The following NELL1 variants were observed in gnomAD, a reference collection of about 807,000 sequenced individuals.
The protein encoded by NELL1 is protein kinase C-binding protein NELL1.
NELL1 carries 76 observed loss-of-function variants against 107.4 expected under a neutral mutation model. The observed-to-expected ratio is 0.71, with a 90% CI of 0.59 to 0.86. The LOEUF is 0.86. Ranked by LOEUF, NELL1 falls within the 40% of genes least tolerant of loss-of-function variation. NELL1 has a pLI of 0.00. For missense variants in NELL1, 1,024 were observed against 1,005.5 expected (o/e 1.02, Z -0.25); for synonymous variants, 353 against 341.2 (o/e 1.03, Z -0.38).
At chr11:20,785,018 A>G (rs1856925099) in intron 3 of NELL1, among the ~76,000 whole-genome samples, 1 of 152,234 alleles carries the variant, frequency 6.6e-6, no homozygotes, top group Admixed American at 6.5e-5. Context: ...GAGGAAGACC[A>G]TACAGAGAGA....
At chr11:21,160,537 C>T (rs1401415528) in intron 13 of NELL1, among the ~76,000 whole-genome samples, 1 of 152,126 alleles carries the variant, frequency 6.6e-6, no homozygotes. Flanking sequence ...ATGTTAGACT[C>T]TGGAATCCAT....
rs150826262 is a variant in NELL1 at position 21,384,092 on chromosome 11, A to G, written c.1645+13144A>G. On this transcript the variant is annotated intron_variant, in intron 15 of 19. Transcript: ENST00000357134. ...CCAACTTCATATGATCTCCACTGCT[A>G]TCACCCTTTTACATGACAACATCAT... Among the ~76,000 whole-genome samples, 340 of 152,092 alleles carry G rather than the reference A, an allele frequency of 2.2e-3. 2 individuals are homozygous for G. The highest frequency in any genetic ancestry group is 7.9e-3 in the African/African-American group (328 of 41,542).
intron 13 of NELL1, among the ~76,000 whole-genome samples, chr11:21,220,720 A>G (rs547229789): frequency 8.6e-5 from 13 of 151,960 alleles, no homozygotes. Flanking sequence ...TTAATTTTGT[A>G]TCCTGCAACT....
At chr11:21,282,201 C>T (rs557942671) in intron 14 of NELL1, among the ~76,000 whole-genome samples, 21 of 152,084 alleles carry the variant, frequency 1.4e-4, no homozygotes, top group African/African-American at 3.4e-4. Context: ...TCTGAATAGA[C>T]GTTTCTCAAA....
At chr11:21,081,282 C>T (rs1854262875) in intron 12 of NELL1, among the ~76,000 whole-genome samples, 1 of 152,136 alleles carries the variant, frequency 6.6e-6, no homozygotes, top group Admixed American at 6.6e-5. Flanking sequence ...TTTCCCTTGC[C>T]ACCTTTCTAA....
chr11:21,150,094 T>G (rs763702646), intron 13 of NELL1, among the ~76,000 whole-genome samples: 43 of 152,076 alleles, frequency 2.8e-4, no homozygotes, highest in Non-Finnish European at 5.1e-4. Flanking sequence ...AAAAGTCCTG[T>G]GGCAGTGGGA....
At chr11:21,012,290 T>C (rs1375247228) in intron 12 of NELL1, among the ~76,000 whole-genome samples, 5 of 152,152 alleles carry the variant, frequency 3.3e-5, no homozygotes, top group Admixed American at 2.6e-4. Flanking sequence ...TTAGATATTG[T>C]CTGTGTTCAA....
intron 13 of NELL1, among the ~76,000 whole-genome samples, chr11:21,182,043 G>A (rs897257806): frequency 1.3e-5 from 2 of 151,866 alleles, no homozygotes; most frequent in Admixed American, 1.3e-4. Flanking sequence ...GACACAGAGA[G>A]GTGAGCTAAC....
intron 14 of NELL1, among the ~76,000 whole-genome samples, chr11:21,232,482 G>T (rs975336214): frequency 1.3e-5 from 2 of 152,096 alleles, no homozygotes; most frequent in Non-Finnish European, 1.5e-5. Flanking sequence ...TAAAGAAGAA[G>T]AAAGAGGAGG....
chr11:20,835,226 GGTCAAGGATGTATTGTT>G (rs1313719573), intron 3 of NELL1, among the ~76,000 whole-genome samples: 1 of 152,178 alleles, frequency 6.6e-6, no homozygotes, highest in Admixed American at 6.5e-5. Flanking sequence ...TCGTTTTAAA[GGTCAAGGATGTATTGTT>G]GTCTATCTTT....
intron 3 of NELL1, among the ~76,000 whole-genome samples, chr11:20,805,206 C>T (rs1360896013): frequency 6.6e-6 from 1 of 151,856 alleles, no homozygotes; most frequent in Non-Finnish European, 1.5e-5. Flanking sequence ...ATTGTTGGGT[C>T]TTGGTTTTTG....
At chr11:20,889,881 A>G (rs989777428) in intron 5 of NELL1, among the ~76,000 whole-genome samples, 1 of 152,118 alleles carries the variant, frequency 6.6e-6, no homozygotes, top group African/African-American at 2.4e-5. Flanking sequence ...CTAGCGGGAG[A>G]GGTGGCCACA....
chr11:21,519,988 C>T (rs577602963), intron 15 of NELL1, among the ~76,000 whole-genome samples: 8 of 152,194 alleles, frequency 5.3e-5, no homozygotes, highest in African/African-American at 1.7e-4. Flanking sequence ...CCATATCAAT[C>T]GCTTTGGGAA....
chr11:20,929,638 T>C (rs1222420187), intron 9 of NELL1, among the ~76,000 whole-genome samples: 1 of 152,178 alleles, frequency 6.6e-6, no homozygotes, highest in Non-Finnish European at 1.5e-5. Flanking sequence ...GTACAGATTA[T>C]TTGTTTTTAT....
At chr11:21,012,325 G>A (rs1041071534) in intron 12 of NELL1, among the ~76,000 whole-genome samples, 10 of 152,088 alleles carry the variant, frequency 6.6e-5, no homozygotes, top group African/African-American at 2.2e-4. Flanking sequence ...CTCCCTGCCA[G>A]CCTTCCATTC....
rs59022976 is a variant in NELL1 at position 21,459,357 on chromosome 11, C to CA, written c.1646-75004dup. Among the ~76,000 whole-genome samples, 29 of 124,582 alleles carry CA rather than the reference C, an allele frequency of 2.3e-4. 1 individual carries two copies. The highest frequency in any genetic ancestry group is 3.6e-4 in the Non-Finnish European group (22 of 61,482). The allele number at this position is 124,582 out of a possible 152,430, so 81.7% of individuals were successfully genotyped here. A position where few individuals can be genotyped will look rare whatever the true frequency, so the allele number is the denominator to read the frequency against. ...TGAAAAGTTACAGTGTGTTCACTAG[C>CA]AAAAAAAAAAAAAGTAGGATTTGAA... On this transcript the variant is annotated intron_variant, in intron 15 of 19. Coordinates refer to ENST00000357134, the MANE Select transcript of NELL1 (RefSeq NM_006157.5).
At chr11:21,297,138 A>G (rs1480711178) in intron 14 of NELL1, among the ~76,000 whole-genome samples, 1 of 151,872 alleles carries the variant, frequency 6.6e-6, no homozygotes, top group East Asian at 1.9e-4. Context: ...GAGATTTTGA[A>G]GTTATTGCAA....
intron 12 of NELL1, among the ~76,000 whole-genome samples, chr11:20,987,305 TC>T (rs1851873380): frequency 6.6e-6 from 1 of 152,208 alleles, no homozygotes. Context: ...GAGATATTGC[TC>T]AGGTTAAAAT....
chr11:21,033,322 G>A (rs1224671104), intron 12 of NELL1, among the ~76,000 whole-genome samples: 17 of 151,960 alleles, frequency 1.1e-4, no homozygotes, highest in Admixed American at 1.1e-3. Context: ...TTAAGTTTAG[G>A]GGTAAATGTG....
Sources: allele counts gnomAD v4.1 joint callset (sites outside exome capture counted in the v4.1 genomes callset), GRCh38; gene constraint gnomAD v4.1.1; transcripts MANE v1.5; gene names NCBI Gene and HGNC (gene_info 2026-07-23, HGNC 2026-07-21).